DGKQ: variants seen among roughly 807,000 people sequenced by gnomAD.
DGKQ encodes the protein diacylglycerol kinase theta.
DGKQ carries 97 observed loss-of-function variants against 104.2 expected under a neutral mutation model. The ratio of observed to expected loss-of-function variants is 0.93; its 90% confidence interval spans 0.79 to 1.10. The LOEUF (loss-of-function observed/expected upper bound fraction) is 1.10, where lower values mean the gene tolerates loss of function less well. DGKQ is among the 50% of genes least tolerant of loss of function. DGKQ has a pLI of 0.00. For missense variants in DGKQ, 1,465 were observed against 1,352.1 expected, an observed-to-expected ratio of 1.08 and a Z score of -1.31; for synonymous variants, 736 against 595.2, an observed-to-expected ratio of 1.24 and a Z score of -3.44.
Position 967,583 on chromosome 4 carries a change from G to T in DGKQ, c.953C>A (p.Thr318Lys), listed in dbSNP as rs150670009. ...AVRRSQFRLV[T>K]VSRLAGAEEV... ...CTCGGCACCGGCCAGGCGGGACACCGTGACGAGGCGGAACTGGCTTCTTCT... is the reference window on the plus strand; with the variant it reads ...CTCGGCACCGGCCAGGCGGGACACCTTGACGAGGCGGAACTGGCTTCTTCT... Residue 318 changes from threonine (T) to lysine (K), a missense_variant, in exon 8 of 23, where the codon ACG (threonine) becomes AAG (lysine). Physicochemically the swap from Thr to Lys is moderately conservative, Grantham distance 78 (BLOSUM62 -1). Transcript: ENST00000273814. 1.9e-6 allele frequency: 3 copies of T among 1,612,652 alleles called. No homozygotes were observed. Among genetic ancestry groups the T allele is most frequent in the Admixed American group, 1.7e-5 (1 of 60,008 alleles).
In DGKQ at chr4:965,952, G is replaced by A. The variant is rs1173638715; in HGVS notation, c.1555C>T (p.Leu519=). 1 of 1,604,818 alleles carries A rather than the reference G, an allele frequency of 6.2e-7. No individual in the cohort carries two copies. The highest frequency in any genetic ancestry group is 2.2e-5 in the East Asian group (1 of 44,642). Residue 519 remains leucine, a synonymous_variant, in exon 13 of 23, where the codon CTG becomes TTG. Coordinates refer to ENST00000273814, the MANE Select transcript of DGKQ (RefSeq NM_001347.4). ...CCTTTGGTAGCCCCGGCCTCATGCA[G>A]CAGGCTGCTGTACTCCTCGGGAGAC... ...GLSPEEYSSL[L]HEAGATKATV...
intron 17 of DGKQ, 75 bp from the exon 18 acceptor site, chr4:962,688 G>C: frequency 1.9e-6 from 3 of 1,589,928 alleles, no homozygotes; most frequent in Non-Finnish European, 2.6e-6. Context: ...CCACCACGAG[G>C]ACAGCCAGCC....
chr4:968,746 G>T, intron 3 of DGKQ, 65 bp downstream of exon 3: 1 of 1,483,208 alleles, frequency 6.7e-7, no homozygotes, highest in Non-Finnish European at 9.2e-7. Flanking sequence ...AGCAGGGGTG[G>T]GCTGGGCCAC....
chr4:968,415 G>A lies in DGKQ; in HGVS notation c.538-8C>T, dbSNP rs770008236. Reference sequence around the variant, plus strand: ...GTGGTGGTGATGGGTGTCCTGCAGAGCGGGGGCAGTCAGCAGCTGGGCCCG... The same window carrying A: ...GTGGTGGTGATGGGTGTCCTGCAGAACGGGGGCAGTCAGCAGCTGGGCCCG... On this transcript the variant is annotated splice_polypyrimidine_tract_variant and splice_region_variant and intron_variant, in intron 4 of 22. Transcript: ENST00000273814. 8.8e-6 allele frequency: 14 copies of A among 1,582,230 alleles called. No homozygotes were observed. Among genetic ancestry groups the A allele is most frequent in the Non-Finnish European group, 1.2e-5 (14 of 1,165,390 alleles).
In DGKQ at chr4:965,270, G is replaced by A; in HGVS notation, c.1640C>T (p.Ala547Val). 6.2e-7 allele frequency: 1 copy of A among 1,612,634 alleles called. No individual in the cohort carries two copies. Among genetic ancestry groups the A allele is most frequent in the Non-Finnish European group, 8.5e-7 (1 of 1,179,898 alleles). Residue 547 changes from alanine (A) to valine (V), a missense_variant, in exon 15 of 23, where the codon GCC becomes GTC. Transcript: ENST00000273814. Reference sequence around the variant, plus strand: ...CAGCCGCTCGGCCTCCGCAAAGCAGGCAACGTCCAACACTACCGCGCCTGC... The same window carrying A: ...CAGCCGCTCGGCCTCCGCAAAGCAGACAACGTCCAACACTACCGCGCCTGC... The part of the protein sequence containing the change: ...SSQGAVVLDV[A>V]CFAEAERLYM...
At chr4:969,859 C>T (rs1712788181) in intron 2 of DGKQ, among the ~76,000 whole-genome samples, 1 of 152,232 alleles carries the variant, frequency 6.6e-6, no homozygotes, top group South Asian at 2.1e-4. Context: ...GATCTACCTG[C>T]CTCGGCCTCC....
intron 5 of DGKQ, 100 bp from the exon 6 acceptor site, chr4:968,127 T>C (rs1034553830): frequency 2.0e-6 from 2 of 1,017,222 alleles, no homozygotes; most frequent in African/African-American, 3.3e-5. Context: ...CAGACCCACC[T>C]GGACCCCGTG....
rs776258085 is a variant in DGKQ, at chr4:966,000, C to T, written c.1507G>A (p.Val503Ile). Residue 503 changes from valine to isoleucine, a missense_variant, in exon 13 of 23, where the codon GTT (valine) becomes ATT (isoleucine). Val to Ile is a conservative substitution (Grantham distance 29, BLOSUM62 3). Coordinates refer to ENST00000273814, the MANE Select transcript of DGKQ (RefSeq NM_001347.4). Reference sequence around the variant, plus strand: ...GACAGGCCGGGAGGCAGGCCGCCAACAAACAGGGAGACGTGCGGGGCTACA... The same window carrying T: ...GACAGGCCGGGAGGCAGGCCGCCAATAAACAGGGAGACGTGCGGGGCTACA... ...RDVAPHVSLF[V>I]GGLPPGLSPE... 6.2e-7 allele frequency: 1 copy of T among 1,606,070 alleles called. No individual in the cohort carries two copies. The highest frequency in any genetic ancestry group is 1.1e-5 in the South Asian group (1 of 89,576).
In DGKQ at chr4:971,356, C is replaced by T. The variant is rs998550161; in HGVS notation, c.272-284G>A. ...CCCTTCGCACGTAGGCCCAGCACTC[C>T]TCCTGCCTCTGCAGTTGGGCCTCTC... is the stretch of plus-strand genomic sequence containing the variant. On this transcript the variant is annotated intron_variant, in intron 1 of 22. Coordinates refer to ENST00000273814, the MANE Select transcript of DGKQ (RefSeq NM_001347.4). This position sits in a 1 kb window ranked among gnomAD's most constrained non-coding sequence, Gnocchi z 4.0. Among the ~76,000 whole-genome samples the T allele has an allele frequency of 1.4e-5, 2 of 145,632 alleles. No individual in the cohort carries two copies. The highest frequency in any genetic ancestry group is 3.1e-5 in the Non-Finnish European group (2 of 63,904).
Position 967,801 on chromosome 4 carries a change from G to A in DGKQ, c.813C>T (p.Gly271=), listed in dbSNP as rs767882286. 2 of 1,598,466 alleles carry A rather than the reference G, an allele frequency of 1.3e-6. No homozygotes were observed. The highest frequency in any genetic ancestry group is 8.5e-7 in the Non-Finnish European group (1 of 1,173,474). The change falls in exon 7 of 23, where the codon GGC becomes GGT. Residue 271 remains glycine (G), a splice_region_variant and synonymous_variant. Transcript: ENST00000273814. ...SFRIVEAAEP[G]EGGDGADGSA... is the part of the protein sequence containing the mutation. ...TCCCGTCGGCGCCGTCGCCCCCCTC[G>A]CCTGCGGGTCGGGCACACGGACCCC...
chr4:965,864 C>T, intron 13 of DGKQ, 64 bp downstream of exon 13: 1 of 1,484,758 alleles, frequency 6.7e-7, no homozygotes. Flanking sequence ...GCACTGCAGC[C>T]CCACTGCCTG....
chr4:961,093 C>G lies in DGKQ; in HGVS notation c.2683G>C (p.Val895Leu), dbSNP rs200300192. Reference sequence around the variant, plus strand: ...ATGATCATGTGCCCCGGGGCCTGGACCCAGGGCTCCCCGTCCACCTGCACC... The same window carrying G: ...ATGATCATGTGCCCCGGGGCCTGGAGCCAGGGCTCCCCGTCCACCTGCACC... ...TPVQVDGEPW[V>L]QAPGHMIISA... The change falls in exon 22 of 23, where the codon GTC becomes CTC. Residue 895 changes from valine to leucine, a missense_variant. Physicochemically the swap from Val to Leu is conservative, Grantham distance 32. Transcript: ENST00000273814. 221 of 1,612,146 alleles carry G rather than the reference C, an allele frequency of 1.4e-4. 1 individual carries two copies. The highest frequency in any genetic ancestry group is 3.7e-5 in the Non-Finnish European group (44 of 1,179,564).
At position 971,949 on chromosome 4, in the gene DGKQ, G is replaced by C. The variant is rs1249854566; in HGVS notation, c.272-877C>G. Reference sequence around the variant, plus strand: ...GCCACCCCAGTCTCCAGATGGGACCGGGAGAAGCTTCTCCTGGCAGCTTAA... The same window carrying C: ...GCCACCCCAGTCTCCAGATGGGACCCGGAGAAGCTTCTCCTGGCAGCTTAA... On this transcript the variant is annotated intron_variant, in intron 1 of 22. Transcript: ENST00000273814. This position sits in a 1 kb window ranked among gnomAD's most constrained non-coding sequence, Gnocchi z 4.0. 5.9e-5 allele frequency among the ~76,000 whole-genome samples: 9 copies of C among 152,162 alleles called. No individual in the cohort carries two copies. The highest frequency in any genetic ancestry group is 1.2e-4 in the Non-Finnish European group (8 of 67,976).
At chr4:960,925 T>C in intron 22 of DGKQ, 124 bp downstream of exon 22, 1 of 1,513,686 alleles carries the variant, frequency 6.6e-7, no homozygotes, top group Non-Finnish European at 8.8e-7. Context: ...GCAGGCACCC[T>C]CCCGGAGTCA....
At chr4:966,425 G>A (rs765558233) in intron 12 of DGKQ, 41 bp downstream of exon 12, 9 of 1,603,560 alleles carry the variant, frequency 5.6e-6, no homozygotes, top group African/African-American at 4.0e-5. Flanking sequence ...TGTGGCTGAG[G>A]GCTGCTGGTT....
rs974659081 is a variant in DGKQ at position 962,845 on chromosome 4, A to G, written c.1962T>C (p.Leu654=). ...CGGDGTVGWV[L]GALEETRYRL... ...GGTACCGTGTCTCCTCCAGGGCGCCAAGCACCCAGCCCACAGTGCCATCGC... is the reference window on the plus strand; with the variant it reads ...GGTACCGTGTCTCCTCCAGGGCGCCGAGCACCCAGCCCACAGTGCCATCGC... The change falls in exon 17 of 23, where the codon CTT becomes CTC. Residue 654 remains leucine, a synonymous_variant. Transcript: ENST00000273814. 3 of 1,607,396 alleles carry G rather than the reference A, an allele frequency of 1.9e-6. No individual in the cohort carries two copies. In the Admixed American group the frequency reaches 5.1e-5, roughly 27 times the overall value.
Position 961,500 on chromosome 4 carries a change from C to A in DGKQ, c.2541G>T (p.Leu847=), listed in dbSNP as rs764915475. The A allele has an allele frequency of 6.2e-6, 10 of 1,607,196 alleles. No homozygotes were observed. Among genetic ancestry groups the A allele is most frequent in the Non-Finnish European group, 5.9e-6 (7 of 1,177,920 alleles). ...CGACGCCCGTCACGCCCACAACCTC[C>A]AGCAGCCCGTCGTCCATGCGTGGCT... ...FEKPRMDDGL[L]EVVGVTGVVH... The change falls in exon 21 of 23, where the codon CTG becomes CTT. Residue 847 remains leucine (L), a synonymous_variant. Transcript: ENST00000273814.
rs1453058501 is a variant in DGKQ, at chr4:970,985, A to G, written c.351+8T>C. The G allele has an allele frequency of 6.5e-6, 10 of 1,548,736 alleles. No individual in the cohort carries two copies. Among genetic ancestry groups the G allele is most frequent in the Non-Finnish European group, 8.7e-6 (10 of 1,146,446 alleles). ...TCTTGCAGGTGCAACACCCAGCCCC[A>G]CACTCACCCGGACCAGGCTGGGTGC... On this transcript the variant is annotated splice_region_variant and intron_variant, in intron 2 of 22. Transcript: ENST00000273814.
intron 13 of DGKQ, 38 bp from the exon 14 acceptor site, chr4:965,567 A>G (rs1396928302): frequency 1.9e-5 from 31 of 1,606,554 alleles, no homozygotes; most frequent in Admixed American, 6.7e-5. Flanking sequence ...GTGGGAGGCG[A>G]AGGACACACA....
Sources: allele counts gnomAD v4.1 joint callset (sites outside exome capture counted in the v4.1 genomes callset), GRCh38; gene constraint gnomAD v4.1.1; non-coding constraint Gnocchi (gnomAD v3.1); transcripts MANE v1.5; gene names NCBI Gene and HGNC (gene_info 2026-07-23, HGNC 2026-07-21).